Variants in GEN1 observed in about 807,000 individuals in gnomAD.
GEN1 encodes GEN1 structure-specific endonuclease, also known as flap endonuclease GEN homolog 1.
GEN1 carries 64 observed loss-of-function variants against 67.6 expected under a neutral mutation model. That is an observed-to-expected ratio of 0.95 (90% CI 0.77 to 1.17). The LOEUF (loss-of-function observed/expected upper bound fraction) is 1.17, where lower values mean the gene tolerates loss of function less well. Among genes scored for constraint, GEN1 ranks in the 50% most tolerant of loss-of-function variants. GEN1 has a pLI of 0.00. For missense variants in GEN1, 1,058 were observed against 1,048.3 expected, an observed-to-expected ratio of 1.01 and a Z score of -0.13; for synonymous variants, 371 against 359.4, an observed-to-expected ratio of 1.03 and a Z score of -0.37.
chr2:17,755,674 T>C (rs899289634), intron 1 of GEN1: 4 of 152,234 alleles, frequency 2.6e-5, no homozygotes, highest in African/African-American at 4.8e-5. Context: ...ATTTTCTGCT[T>C]TTCCGAAGTA....
chr2:17,778,258 A>ATG (rs1553331192), intron 12 of GEN1, among the ~76,000 whole-genome samples, 195 bp downstream of exon 12: 1 of 24,834 alleles, frequency 4.0e-5, no homozygotes, highest in Admixed American at 6.7e-4. Context: ...GTATACACAC[A>ATG]TATGTGTGTA....
In GEN1 at chr2:17,780,909, A is replaced by C. The variant is rs1047642893; in HGVS notation, c.1697A>C (p.Glu566Ala). Residue 566 changes from glutamate (E) to alanine (A), a missense_variant, in exon 14 of 14, where the codon GAA becomes GCA. Transcript: ENST00000381254. Reference sequence around the variant, plus strand: ...GCTGTCAGTAAGTCTCTAATTTCAGAATCTAGTCAACCCAATACCTCATCT... The same window carrying C: ...GCTGTCAGTAAGTCTCTAATTTCAGCATCTAGTCAACCCAATACCTCATCT... ...IKAVSKSLIS[E>A]SSQPNTSSHN... 7 of 1,613,840 alleles carry C rather than the reference A, an allele frequency of 4.3e-6. No homozygotes were observed. In the African/African-American group the frequency reaches 9.3e-5, roughly 22 times the overall value.
intron 11 of GEN1, among the ~76,000 whole-genome samples, chr2:17,775,224 G>A (rs1478179452): frequency 6.6e-6 from 1 of 152,046 alleles, no homozygotes; most frequent in Non-Finnish European, 1.5e-5. Flanking sequence ...TGTGTAAATG[G>A]ATGGATATAA....
At chr2:17,779,459 G>T (rs955832273) in intron 12 of GEN1, among the ~76,000 whole-genome samples, 1 of 152,158 alleles carries the variant, frequency 6.6e-6, no homozygotes, top group Non-Finnish European at 1.5e-5. Context: ...ATCTCCATCC[G>T]GCCATTGCCA....
At chr2:17,779,934 A>T in intron 12 of GEN1, 44 bp from the exon 13 acceptor site, 1 of 1,525,496 alleles carries the variant, frequency 6.6e-7, no homozygotes, top group Non-Finnish European at 9.0e-7. Context: ...GAATTTTTTT[A>T]AATGCCTAAT....
Position 17,765,060 on chromosome 2 carries a change from C to A in GEN1, c.512C>A (p.Thr171Asn). Residue 171 changes from threonine (T) to asparagine (N), a missense_variant, in exon 4 of 14, where the codon ACT becomes AAT. Coordinates refer to ENST00000381254, the MANE Select transcript of GEN1 (RefSeq NM_001130009.3). ...YGAQTVYRNF[T>N]MNTKDPHVDC... Reference sequence around the variant, plus strand: ...GCCCAGACTGTTTACAGGAATTTCACTATGAATACAAAGGTGTTTATTTTC... The same window carrying A: ...GCCCAGACTGTTTACAGGAATTTCAATATGAATACAAAGGTGTTTATTTTC... 1 of 1,613,980 alleles carries A rather than the reference C, an allele frequency of 6.2e-7. No individual in the cohort carries two copies. Among genetic ancestry groups the A allele is most frequent in the Non-Finnish European group, 8.5e-7 (1 of 1,179,948 alleles).
intron 3 of GEN1, among the ~76,000 whole-genome samples, chr2:17,764,208 G>A (rs369447728): frequency 6.6e-6 from 1 of 152,146 alleles, no homozygotes; most frequent in African/African-American, 2.4e-5. Context: ...CTTCTCCGCA[G>A]TTTCCCACAA....
rs1300271576 is a variant in GEN1 at position 17,788,286 on chromosome 2, T to C, written c.*6347T>C. On this transcript the variant is annotated 3_prime_UTR_variant, in exon 14 of 14. Transcript: ENST00000381254. The stretch of plus-strand genomic sequence containing the variant: ...CAGCTAACAGCTTGCATTAGCCTCT[T>C]TCAGGAACTTGCCACATTGCCTATA... The C allele has an allele frequency of 1.3e-5, 2 of 152,202 alleles. No homozygotes were observed. Among genetic ancestry groups the C allele is most frequent in the African/African-American group, 4.8e-5 (2 of 41,438 alleles). The allele number at this position is 152,202 out of a possible 1,614,324, so 9.4% of individuals were successfully genotyped here.
upstream of GEN1, among the ~76,000 whole-genome samples, chr2:17,753,330 C>CGGCCGCCTGGGAGGGGAA (rs1671175506): frequency 6.6e-6 from 1 of 151,664 alleles, no homozygotes; most frequent in Non-Finnish European, 1.5e-5. Context: ...AGTCTGGGGA[C>CGGCCGCCTGGGAGGGGAA]GGCCGCCTGG....
At position 17,782,451 on chromosome 2, in the gene GEN1, CTT is replaced by C. The variant is rs1558415656; in HGVS notation, c.*516_*517del. ...CCATGCAAGGTGTTCCATTATAACTCTTTTTCCTAAGAGTTATATTCTCCCTC... is the reference window on the plus strand; with the variant it reads ...CCATGCAAGGTGTTCCATTATAACTCTTTCCTAAGAGTTATATTCTCCCTC... On this transcript the variant is annotated 3_prime_UTR_variant, in exon 14 of 14. Transcript: ENST00000381254. The C allele has an allele frequency of 6.6e-6, 1 of 152,114 alleles. No individual in the cohort carries two copies. The highest frequency in any genetic ancestry group is 6.5e-5 in the Admixed American group (1 of 15,268). The allele number at this position is 152,114 out of a possible 1,614,324, so 9.4% of individuals were successfully genotyped here. A position where few individuals can be genotyped will look rare whatever the true frequency, so the allele number is the denominator to read the frequency against.
In GEN1 at chr2:17,788,917, T is replaced by C. The variant is rs1294497114; in HGVS notation, c.*6978T>C. On this transcript the variant is annotated 3_prime_UTR_variant, in exon 14 of 14. Transcript: ENST00000381254. ...ATTATTGCTAACATTTACGTTTTTATTAAACTGAAAATGCTAACTGTGAAT... is the reference window on the plus strand; with the variant it reads ...ATTATTGCTAACATTTACGTTTTTACTAAACTGAAAATGCTAACTGTGAAT... 6.6e-6 allele frequency: 1 copy of C among 152,238 alleles called. No homozygotes were observed. The highest frequency in any genetic ancestry group is 2.4e-5 in the African/African-American group (1 of 41,466). 9.4% of individuals were successfully genotyped at this position (152,238 alleles called of 1,614,324 possible).
chr2:17,776,408 G>GT (rs1002225054), intron 11 of GEN1, among the ~76,000 whole-genome samples: 1 of 152,122 alleles, frequency 6.6e-6, no homozygotes, highest in Non-Finnish European at 1.5e-5. Flanking sequence ...GAGTGTGAAA[G>GT]TTTTTTGTGG....
rs745972226 is a variant in GEN1 at position 17,761,421 on chromosome 2, T to C, written c.187T>C (p.Leu63=). ...LRNLFFRISY[L]TQMDVKLVFV... is the part of the protein sequence containing the mutation. ...GAACTTATTTTTTCGTATCTCATATTTAACACAAATGGATGTAAAACTGGT... is the reference window on the plus strand; with the variant it reads ...GAACTTATTTTTTCGTATCTCATATCTAACACAAATGGATGTAAAACTGGT... Residue 63 remains leucine (L), a synonymous_variant, in exon 3 of 14, where the codon TTA becomes CTA. Coordinates refer to ENST00000381254, the MANE Select transcript of GEN1 (RefSeq NM_001130009.3). The C allele has an allele frequency of 6.2e-7, 1 of 1,601,128 alleles. No homozygotes were observed. The highest frequency in any genetic ancestry group is 8.5e-7 in the Non-Finnish European group (1 of 1,171,244).
At chr2:17,771,606 T>C (rs1572406058) in intron 7 of GEN1, among the ~76,000 whole-genome samples, 1 of 152,106 alleles carries the variant, frequency 6.6e-6, no homozygotes, top group Non-Finnish European at 1.5e-5. Context: ...TACTAATAAG[T>C]CTTAGGGAAA....
At chr2:17,765,947 TAA>T (rs1491317515) in intron 4 of GEN1, among the ~76,000 whole-genome samples, 18 of 92,036 alleles carry the variant, frequency 2.0e-4, no homozygotes, top group Middle Eastern at 5.2e-3. Context: ...TTACTTTCTA[TAA>T]TATATATATA....
intron 5 of GEN1, among the ~76,000 whole-genome samples, chr2:17,767,074 G>A (rs1273107599): frequency 6.6e-6 from 1 of 151,946 alleles, no homozygotes; most frequent in Non-Finnish European, 1.5e-5. Context: ...TATTCTTTGT[G>A]CACATGCTCA....
intron 1 of GEN1, among the ~76,000 whole-genome samples, chr2:17,758,285 A>C (rs1671514855): frequency 6.6e-6 from 1 of 152,208 alleles, no homozygotes; most frequent in African/African-American, 2.4e-5. Flanking sequence ...GGTCACATTT[A>C]AATTAAATTA....
chr2:17,761,134 G>A (rs967810308), intron 2 of GEN1, among the ~76,000 whole-genome samples: 5 of 151,742 alleles, frequency 3.3e-5, no homozygotes, highest in Admixed American at 2.6e-4. Flanking sequence ...TGGGGACTGA[G>A]GCAGGAAGAT....
At chr2:17,753,290 G>A (rs527944679), upstream of GEN1, among the ~76,000 whole-genome samples, 1 of 151,660 alleles carries the variant, frequency 6.6e-6, no homozygotes, top group East Asian at 1.9e-4. Context: ...ACCTCTCCCC[G>A]CTTTACAGTT....
Sources: gnomAD v4.1 joint callset for allele counts (sites outside exome capture counted in the v4.1 genomes callset) on GRCh38, gnomAD v4.1.1 for gene constraint, MANE v1.5 for transcripts, NCBI Gene and HGNC (gene_info 2026-07-23, HGNC 2026-07-21) for gene names.